The following IFT81 variants were observed in gnomAD, a reference collection of about 807,000 sequenced individuals.
IFT81 encodes the protein intraflagellar transport protein 81 homolog.
In IFT81, 72 loss-of-function variants were observed where a neutral mutation model predicts 102.6. That is an observed-to-expected ratio of 0.70 (90% CI 0.58 to 0.85). The LOEUF is 0.85. IFT81 is among the 40% of genes least tolerant of loss of function. The pLI is 0.00. For synonymous variants in IFT81, 237 were observed against 242.7 expected, an observed-to-expected ratio of 0.98 and a Z score of 0.22; for missense variants, 723 against 787.3, an observed-to-expected ratio of 0.92 and a Z score of 0.98.
At chr12:110,129,528 T>C (rs1038526387) in intron 4 of IFT81, among the ~76,000 whole-genome samples, 2 of 152,160 alleles carry the variant, frequency 1.3e-5, no homozygotes, top group Admixed American at 6.6e-5. Context: ...ATGGTTTAAA[T>C]TGACACTATC....
At chr12:110,181,210 G>A (rs1897305729) in intron 12 of IFT81, among the ~76,000 whole-genome samples, 2 of 152,202 alleles carry the variant, frequency 1.3e-5, no homozygotes, top group Admixed American at 6.5e-5. Context: ...CTTTTAACTG[G>A]CAATATGAAC....
intron 18 of IFT81, among the ~76,000 whole-genome samples, chr12:110,211,461 G>A (rs192053960): frequency 2.0e-5 from 3 of 152,180 alleles, no homozygotes; most frequent in Middle Eastern, 3.4e-3. Context: ...AAAGTGCTAG[G>A]ATTACAGACA....
At chr12:110,138,017 C>T (rs1221139464) in intron 8 of IFT81, among the ~76,000 whole-genome samples, 1 of 152,184 alleles carries the variant, frequency 6.6e-6, no homozygotes, top group South Asian at 2.1e-4. Context: ...AGGCATTTTA[C>T]AAAGCATTTT....
chr12:110,168,364 A>C, intron 11 of IFT81: 1 of 193,678 alleles, frequency 5.2e-6, no homozygotes, highest in Non-Finnish European at 9.4e-6. Flanking sequence ...ATAATTCAGA[A>C]TCATCTTGGT....
chr12:110,146,376 A>G lies in IFT81; in HGVS notation c.946-577A>G, dbSNP rs551604013. ...CAACTGTCAGCTGGGTTCATGAATC[A>G]TTGTAATAAATCCCTGGTGCATATT... is the stretch of plus-strand genomic sequence containing the variant. On this transcript the variant is annotated intron_variant, in intron 9 of 18. Coordinates refer to ENST00000242591, the MANE Select transcript of IFT81 (RefSeq NM_014055.4). 3.3e-5 allele frequency among the ~76,000 whole-genome samples: 5 copies of G among 152,346 alleles called. No individual in the cohort carries two copies. In the South Asian group the frequency reaches 1.0e-3, roughly 32 times the overall value.
chr12:110,148,801 C>T (rs1895366227), intron 10 of IFT81, among the ~76,000 whole-genome samples: 1 of 152,150 alleles, frequency 6.6e-6, no homozygotes, highest in South Asian at 2.1e-4. Context: ...GAGAAAACCT[C>T]TCATCAACTA....
intron 18 of IFT81, among the ~76,000 whole-genome samples, chr12:110,215,990 G>T (rs1870067178): frequency 6.6e-6 from 1 of 152,048 alleles, no homozygotes; most frequent in African/African-American, 2.4e-5. Context: ...CATACAATTT[G>T]ATTTATTTGG....
Position 110,209,248 on chromosome 12 carries a change from TCTAA to T in IFT81, c.1848+35_1848+38del, listed in dbSNP as rs772297180. 4 of 1,141,612 alleles carry T rather than the reference TCTAA, an allele frequency of 3.5e-6. 1 individual carries two copies. The South Asian group carries it at 5.4e-5, about 15-fold the overall frequency. The allele number at this position is 1,141,612 out of a possible 1,614,324, so 70.7% of individuals were successfully genotyped here. On this transcript the variant is annotated intron_variant, in intron 18 of 18. Transcript: ENST00000242591. ...ATTATTATTTATTTTTTTAAATGTGTCTAACTGATTCAGGCTTTCAGTACTGTAC... is the reference window on the plus strand; with the variant it reads ...ATTATTATTTATTTTTTTAAATGTGTCTGATTCAGGCTTTCAGTACTGTAC...
chr12:110,153,330 G>GTTT (rs1355939577), intron 10 of IFT81, among the ~76,000 whole-genome samples: 1 of 151,946 alleles, frequency 6.6e-6, no homozygotes, highest in East Asian at 1.9e-4. Flanking sequence ...CGCCTCCCAG[G>GTTT]TTTAAGCGAT....
At chr12:110,150,845 T>C (rs542924130) in intron 10 of IFT81, among the ~76,000 whole-genome samples, 4 of 152,314 alleles carry the variant, frequency 2.6e-5, no homozygotes, top group African/African-American at 9.6e-5. Flanking sequence ...TTTCACACTT[T>C]ATTATTCCAT....
At chr12:110,146,106 C>T (rs572876088) in intron 9 of IFT81, among the ~76,000 whole-genome samples, 1 of 152,152 alleles carries the variant, frequency 6.6e-6, no homozygotes, top group Non-Finnish European at 1.5e-5. Context: ...GCCACCGTGC[C>T]CGGCCTAATC....
chr12:110,142,622 G>T (rs1894961890), intron 8 of IFT81, among the ~76,000 whole-genome samples: 1 of 151,766 alleles, frequency 6.6e-6, no homozygotes, highest in Non-Finnish European at 1.5e-5. Context: ...TGAGAGGCTG[G>T]GATCACACCT....
intron 12 of IFT81, among the ~76,000 whole-genome samples, chr12:110,181,785 A>C (rs1349567769): frequency 6.6e-6 from 1 of 151,694 alleles, no homozygotes; most frequent in Non-Finnish European, 1.5e-5. Context: ...TTTTTTCTTA[A>C]GTTGGGTCCC....
intron 12 of IFT81, among the ~76,000 whole-genome samples, chr12:110,183,152 CTTGGT>C (rs1897379276): frequency 6.6e-6 from 1 of 152,064 alleles, no homozygotes; most frequent in Non-Finnish European, 1.5e-5. Flanking sequence ...AAGTGTGTCC[CTTGGT>C]TTGAGGTGAT....
chr12:110,145,284 C>T (rs1349282623), intron 9 of IFT81, among the ~76,000 whole-genome samples: 1 of 151,894 alleles, frequency 6.6e-6, no homozygotes, highest in Non-Finnish European at 1.5e-5. Flanking sequence ...CTGCCTGCCT[C>T]CGTCCACCTC....
chr12:110,215,195 T>C (rs952271298), intron 18 of IFT81, among the ~76,000 whole-genome samples: 1 of 152,012 alleles, frequency 6.6e-6, no homozygotes, highest in Non-Finnish European at 1.5e-5. Flanking sequence ...TCAGATCAAC[T>C]AGTATATTGA....
intron 12 of IFT81, among the ~76,000 whole-genome samples, chr12:110,182,076 C>T (rs1477972835): frequency 1.3e-5 from 2 of 152,178 alleles, no homozygotes; most frequent in Non-Finnish European, 2.9e-5. Flanking sequence ...AGGTGAGACA[C>T]CTCCCATTTC....
At chr12:110,170,482 C>T (rs1333565262) in intron 11 of IFT81, among the ~76,000 whole-genome samples, 1 of 152,134 alleles carries the variant, frequency 6.6e-6, no homozygotes, top group Non-Finnish European at 1.5e-5. Context: ...TAAGTAGTGC[C>T]AGTAGCTAGT....
At chr12:110,134,133 T>C (rs1285382102) in intron 5 of IFT81, among the ~76,000 whole-genome samples, 1 of 152,198 alleles carries the variant, frequency 6.6e-6, no homozygotes, top group African/African-American at 2.4e-5. Flanking sequence ...CCCAAGTAGC[T>C]GGGATTACAG....
Sources: allele counts gnomAD v4.1 joint callset (sites outside exome capture counted in the v4.1 genomes callset), GRCh38; gene constraint gnomAD v4.1.1; transcripts MANE v1.5; gene names NCBI Gene and HGNC (gene_info 2026-07-23, HGNC 2026-07-21).